The following PLEKHA7 variants were observed in gnomAD, a reference collection of about 807,000 sequenced individuals.
PLEKHA7 encodes pleckstrin homology domain-containing family A member 7.
A neutral mutation model predicts 170.0 loss-of-function variants in PLEKHA7; 104 were observed. That is an observed-to-expected ratio of 0.61 (90% CI 0.52 to 0.72). PLEKHA7 has a LOEUF of 0.72. Ranked by LOEUF, PLEKHA7 falls within the 30% of genes least tolerant of loss-of-function variation. The probability of loss-of-function intolerance (pLI) is 0.00; values close to 1 mark genes in which losing one functional copy is unlikely to be tolerated. For missense variants in PLEKHA7, 1,615 were observed against 1,671.7 expected, an observed-to-expected ratio of 0.97 and a Z score of 0.59; for synonymous variants, 648 against 660.8, an observed-to-expected ratio of 0.98 and a Z score of 0.30.
At chr11:16,821,769 A>G (rs188927788) in intron 10 of PLEKHA7, among the ~76,000 whole-genome samples, 1 of 152,252 alleles carries the variant, frequency 6.6e-6, no homozygotes, top group African/African-American at 2.4e-5. Flanking sequence ...AAAATACAAG[A>G]GGATAATCAG....
chr11:17,011,069 T>G (rs1306925222), intron 3 of PLEKHA7, among the ~76,000 whole-genome samples: 1 of 152,142 alleles, frequency 6.6e-6, no homozygotes, highest in African/African-American at 2.4e-5. Context: ...AGGAAAATCA[T>G]TAGGGACCTC....
chr11:16,787,755 T>C (rs1052742876), intron 23 of PLEKHA7: 1 of 152,188 alleles, frequency 6.6e-6, no homozygotes, highest in Non-Finnish European at 1.5e-5. Flanking sequence ...AGTTACGATT[T>C]TTAGATAATC....
Position 17,014,196 on chromosome 11 carries a change from T to C in PLEKHA7, c.92A>G (p.Gln31Arg), listed in dbSNP as rs1458671604. Reference sequence around the variant, plus strand: ...ATGCAGCCAGGTCGTGCAGCGGAGCTGGTCACTGCGGGCAGAGAGGTGCAC... The same window carrying C: ...ATGCAGCCAGGTCGTGCAGCGGAGCCGGTCACTGCGGGCAGAGAGGTGCAC... Reference protein sequence around the residue: ...RDGRVFFINDQLRCTTWLHPR... With the variant: ...RDGRVFFINDRLRCTTWLHPR... Residue 31 changes from glutamine to arginine, a missense_variant, in exon 2 of 27, where the codon CAG (glutamine) becomes CGG (arginine). Gln to Arg is a conservative substitution (Grantham distance 43). Coordinates refer to ENST00000531066, the MANE Select transcript of PLEKHA7 (RefSeq NM_001329630.2). 1 of 1,589,144 alleles carries C rather than the reference T, an allele frequency of 6.3e-7. No individual in the cohort carries two copies. Among genetic ancestry groups the C allele is most frequent in the Non-Finnish European group, 8.5e-7 (1 of 1,170,278 alleles).
At chr11:16,858,942 G>A (rs1275946153) in intron 4 of PLEKHA7, among the ~76,000 whole-genome samples, 1 of 152,222 alleles carries the variant, frequency 6.6e-6, no homozygotes, top group Non-Finnish European at 1.5e-5. Context: ...GGACATCAGT[G>A]AGGGGCAGTG....
intron 3 of PLEKHA7, among the ~76,000 whole-genome samples, chr11:17,011,623 T>A (rs1201093747): frequency 1.3e-5 from 2 of 152,162 alleles, no homozygotes; most frequent in Non-Finnish European, 2.9e-5. Flanking sequence ...TCAGTCTCCT[T>A]GCTGGCTTCA....
chr11:16,816,197 G>T lies in PLEKHA7; in HGVS notation c.1934C>A (p.Pro645His). 6.2e-7 allele frequency: 1 copy of T among 1,613,486 alleles called. No individual in the cohort carries two copies. Among genetic ancestry groups the T allele is most frequent in the Non-Finnish European group, 8.5e-7 (1 of 1,179,460 alleles). Residue 645 changes from proline to histidine, a missense_variant, in exon 12 of 27, where the codon CCC (proline) becomes CAC (histidine). By Grantham distance (77) the Pro-to-His change is moderately conservative. Transcript: ENST00000531066. ...CCCTACCGATTTTCCATGTAAACTG[G>T]GAGCGCTGACGGTGTGGGTCATGTA... is the stretch of plus-strand genomic sequence containing the variant. ...MGYMTHTVSA[P>H]SLHGKSADDT...
intron 4 of PLEKHA7, among the ~76,000 whole-genome samples, chr11:16,861,926 G>A (rs182697782): frequency 1.9e-3 from 294 of 152,070 alleles, no homozygotes; most frequent in Non-Finnish European, 1.3e-3. Context: ...TAAGGGTTTG[G>A]GGAAAGCAAT....
chr11:16,807,249 C>A (rs1849052145), intron 13 of PLEKHA7: 3 of 946,898 alleles, frequency 3.2e-6, no homozygotes, highest in Non-Finnish European at 3.8e-6. Flanking sequence ...AAGGCAGATA[C>A]AACAAAACGT....
At chr11:16,934,376 G>T (rs1328089239) in intron 3 of PLEKHA7, among the ~76,000 whole-genome samples, 1 of 152,160 alleles carries the variant, frequency 6.6e-6, no homozygotes, top group Non-Finnish European at 1.5e-5. Flanking sequence ...GATGAAGTGG[G>T]TGTGTGCTGG....
At chr11:16,823,468 A>G (rs569356480) in intron 10 of PLEKHA7, among the ~76,000 whole-genome samples, 1 of 152,308 alleles carries the variant, frequency 6.6e-6, no homozygotes, top group South Asian at 2.1e-4. Context: ...CTGCCAGGGT[A>G]TTAGTTACCA....
Position 16,789,174 on chromosome 11 carries a change from C to T in PLEKHA7, c.3279G>A (p.Arg1093=), listed in dbSNP as rs775767167. The T allele has an allele frequency of 1.9e-6, 3 of 1,612,710 alleles. No individual in the cohort carries two copies. The South Asian group carries it at 3.3e-5, about 18-fold the overall frequency. Residue 1093 remains arginine, a synonymous_variant, in exon 23 of 27, where the codon AGG becomes AGA. Coordinates refer to ENST00000531066, the MANE Select transcript of PLEKHA7 (RefSeq NM_001329630.2). The surrounding 1 kb of genome is among the most constrained non-coding windows in gnomAD (Gnocchi z 4.6). The stretch of plus-strand genomic sequence containing the variant: ...CCGTCCTCTCCCCTTGGCCCAGTGT[C>T]CTCTTGCGCTCTCGGACCAGGGCCT... ...HQKALVRERK[R]TLGQGERTGL...
At chr11:16,838,184 G>T (rs145541021) in intron 9 of PLEKHA7, among the ~76,000 whole-genome samples, 32 of 152,296 alleles carry the variant, frequency 2.1e-4, no homozygotes, top group African/African-American at 7.7e-4. Flanking sequence ...GCAGAGGATA[G>T]ATACAGGCAA....
chr11:16,789,653 G>T lies in PLEKHA7; in HGVS notation c.3156+122C>A. 1.2e-6 allele frequency: 1 copy of T among 825,426 alleles called. No individual in the cohort carries two copies. Among genetic ancestry groups the T allele is most frequent in the East Asian group, 2.7e-5 (1 of 37,508 alleles). 51.1% of individuals were successfully genotyped at this position (825,426 alleles called of 1,614,324 possible). On this transcript the variant is annotated intron_variant, in intron 22 of 26. Coordinates refer to ENST00000531066, the MANE Select transcript of PLEKHA7 (RefSeq NM_001329630.2). This position sits in a 1 kb window ranked among gnomAD's most constrained non-coding sequence, Gnocchi z 4.6. ...GTGGGTGACAGGGAGCTCAGGAGGG[G>T]CTGAGGCCACCCCAGAGGCCATCCC...
chr11:16,923,655 G>A (rs1020161003), intron 3 of PLEKHA7, among the ~76,000 whole-genome samples: 25 of 152,054 alleles, frequency 1.6e-4, no homozygotes, highest in African/African-American at 6.0e-4. Context: ...CAGCCTGTCT[G>A]GAAGCACCTC....
At chr11:17,013,790 T>TA (rs1287946739) in intron 3 of PLEKHA7, among the ~76,000 whole-genome samples, 199 bp downstream of exon 3, 1 of 150,232 alleles carries the variant, frequency 6.7e-6, no homozygotes, top group African/African-American at 2.5e-5. Flanking sequence ...GTCCCCAGCG[T>TA]AGGTGCGGCC....
chr11:17,004,128 A>G (rs4757482), intron 3 of PLEKHA7, among the ~76,000 whole-genome samples: 95,976 of 152,058 alleles, frequency 0.63, 30,958 homozygotes, highest in East Asian at 0.96. Flanking sequence ...AGGAAGATAT[A>G]AGAAAGGATT....
intron 3 of PLEKHA7, among the ~76,000 whole-genome samples, chr11:17,011,280 C>T (rs1264300903): frequency 3.3e-5 from 5 of 152,184 alleles, no homozygotes; most frequent in African/African-American, 1.2e-4. Context: ...GATCCCATCC[C>T]TCTCACCTTC....
intron 26 of PLEKHA7, among the ~76,000 whole-genome samples, chr11:16,779,787 C>T (rs1337206979): frequency 6.6e-6 from 1 of 152,180 alleles, no homozygotes; most frequent in East Asian, 1.9e-4. Context: ...ATACTCTCTC[C>T]CTCCTTTCAC....
Position 16,791,839 on chromosome 11 carries a change from AT to A in PLEKHA7, c.2746-641del. ...TTCCCTAGAATGTGATGAATGCAAC[AT>A]TTTCCTTGAAACTCCCTGTCCACAG... On this transcript the variant is annotated intron_variant, in intron 19 of 26. Transcript: ENST00000531066. The surrounding 1 kb of genome is among the most constrained non-coding windows in gnomAD (Gnocchi z 4.5). The A allele has an allele frequency of 2.7e-6, 1 of 373,530 alleles. No homozygotes were observed. Among genetic ancestry groups the A allele is most frequent in the Non-Finnish European group, 5.4e-6 (1 of 185,914 alleles). The allele number at this position is 373,530 out of a possible 1,614,324, so 23.1% of individuals were successfully genotyped here.
Sources: gnomAD v4.1 joint callset for allele counts (sites outside exome capture counted in the v4.1 genomes callset) on GRCh38, gnomAD v4.1.1 for gene constraint, Gnocchi (gnomAD v3.1) non-coding constraint, MANE v1.5 for transcripts, NCBI Gene and HGNC (gene_info 2026-07-23, HGNC 2026-07-21) for gene names.